Variants in PCDHA5 observed in about 807,000 individuals in gnomAD.
PCDHA5 encodes protocadherin alpha 5.
Under a neutral mutation model 61.6 loss-of-function variants are expected in PCDHA5, and 43 were observed. The ratio of observed to expected loss-of-function variants is 0.70; its 90% CI spans 0.55 to 0.90. PCDHA5 has a LOEUF of 0.90. PCDHA5 is among the 40% of genes least tolerant of loss of function. The pLI is 0.00. For missense variants in PCDHA5, 1,298 were observed against 1,222.7 expected, an observed-to-expected ratio of 1.06 and a Z score of -0.92; for synonymous variants, 627 against 543.9, an observed-to-expected ratio of 1.15 and a Z score of -2.13.
intron 1 of PCDHA5, among the ~76,000 whole-genome samples, chr5:140,839,820 G>A (rs899482827): frequency 6.6e-6 from 1 of 151,928 alleles, no homozygotes; most frequent in Non-Finnish European, 1.5e-5. Context: ...CTACTATGAA[G>A]GCATTCATGA....
At chr5:141,001,261 CTT>C (rs1437571267) in intron 3 of PCDHA5, among the ~76,000 whole-genome samples, 1 of 152,062 alleles carries the variant, frequency 6.6e-6, no homozygotes, top group East Asian at 1.9e-4. Flanking sequence ...GGCGGGCACT[CTT>C]ATGAACTTTT....
intron 1 of PCDHA5, chr5:140,966,932 G>A: frequency 6.2e-7 from 1 of 1,603,726 alleles, no homozygotes; most frequent in Non-Finnish European, 8.5e-7. Flanking sequence ...GGCACCCGGC[G>A]CGCTCGTGGG....
In PCDHA5 at chr5:140,837,841, C is replaced by T. The variant is rs148049265; in HGVS notation, c.2352+13714C>T. On this transcript the variant is annotated intron_variant, in intron 1 of 3. Coordinates refer to ENST00000529859, the MANE Select transcript of PCDHA5 (RefSeq NM_018908.3). ...ACAGTTTGCATGTCATTGTGCCTGGCTAATTTTATTTTATTTTTGTAGAGA... is the reference window on the plus strand; with the variant it reads ...ACAGTTTGCATGTCATTGTGCCTGGTTAATTTTATTTTATTTTTGTAGAGA... Among the ~76,000 whole-genome samples, 417 of 151,502 alleles carry T rather than the reference C, an allele frequency of 2.8e-3. 6 individuals carry two copies. The highest frequency in any genetic ancestry group is 9.7e-3 in the African/African-American group (400 of 41,204).
chr5:140,857,164 C>T, intron 1 of PCDHA5: 1 of 1,598,342 alleles, frequency 6.3e-7, no homozygotes, highest in Non-Finnish European at 8.6e-7. Context: ...CCCTAATCAG[C>T]GTTTCTGACC....
intron 2 of PCDHA5, among the ~76,000 whole-genome samples, chr5:140,980,159 A>G (rs2153821002): frequency 6.6e-6 from 1 of 152,326 alleles, no homozygotes; most frequent in Admixed American, 6.5e-5. Context: ...ATACCAGAAT[A>G]TTAGGTATCA....
intron 1 of PCDHA5, among the ~76,000 whole-genome samples, chr5:140,839,236 T>C (rs1562375380): frequency 6.6e-6 from 1 of 152,030 alleles, no homozygotes. Flanking sequence ...CTGTTTTTAT[T>C]GCTTTGCTTT....
At chr5:140,993,521 G>C (rs1554253818) in intron 3 of PCDHA5, among the ~76,000 whole-genome samples, 4 of 151,128 alleles carry the variant, frequency 2.6e-5, no homozygotes, top group Admixed American at 2.0e-4. Flanking sequence ...GGGAGAGAGA[G>C]ACAGAGAGAG....
chr5:140,958,089 C>A (rs2095409002), intron 1 of PCDHA5, among the ~76,000 whole-genome samples: 1 of 151,872 alleles, frequency 6.6e-6, no homozygotes, highest in African/African-American at 2.4e-5. Context: ...TAAAGTTGTA[C>A]AATAGTGTGT....
chr5:140,925,282 T>C (rs1371569064), intron 1 of PCDHA5, among the ~76,000 whole-genome samples: 1 of 152,184 alleles, frequency 6.6e-6, no homozygotes, highest in Admixed American at 6.5e-5. Context: ...GATTTTGCCT[T>C]TCAAATGTTT....
chr5:140,827,695 T>C (rs1168812180), intron 1 of PCDHA5, among the ~76,000 whole-genome samples: 1 of 152,252 alleles, frequency 6.6e-6, no homozygotes, highest in Non-Finnish European at 1.5e-5. Context: ...CTGGTTGATA[T>C]TAATGTTGCA....
intron 1 of PCDHA5, among the ~76,000 whole-genome samples, chr5:140,914,693 G>C (rs1554196535): frequency 7.9e-5 from 12 of 151,662 alleles, no homozygotes; most frequent in Non-Finnish European, 1.8e-4. Flanking sequence ...TTCTCTGGTG[G>C]TATGATTTAA....
intron 1 of PCDHA5, among the ~76,000 whole-genome samples, chr5:140,969,768 T>G (rs1250957386): frequency 1.3e-5 from 2 of 152,198 alleles, no homozygotes; most frequent in Admixed American, 1.3e-4. Context: ...CTCTGAGGCC[T>G]CTAGGGGCTA....
rs782332920 is a variant in PCDHA5 at position 140,856,198 on chromosome 5, C to T, written c.2352+32071C>T. 1.9e-6 allele frequency: 3 copies of T among 1,597,984 alleles called. No homozygotes were observed. In the East Asian group the frequency reaches 6.7e-5, roughly 36 times the overall value. On this transcript the variant is annotated intron_variant, in intron 1 of 3. Transcript: ENST00000529859. ...CCTTCGTGGGCCGCATCGCGCAGGA[C>T]CTGGGGCTGGAGCTGGCGGAGCTGG...
In PCDHA5 at chr5:140,903,474, C is replaced by T. The variant is rs1257250947; in HGVS notation, c.2353-75475C>T. Among the ~76,000 whole-genome samples, 4 of 152,106 alleles carry T rather than the reference C, an allele frequency of 2.6e-5. No homozygotes were observed. In the East Asian group the frequency reaches 7.7e-4, roughly 29 times the overall value. The stretch of plus-strand genomic sequence containing the variant: ...ATCAAACTTAAAATATTATTCCTTG[C>T]ATTATAGTTCTGAGCAGGTACCATA... On this transcript the variant is annotated intron_variant, in intron 1 of 3. Transcript: ENST00000529859.
At position 140,842,920 on chromosome 5, in the gene PCDHA5, C is replaced by T. The variant is rs147542523; in HGVS notation, c.2352+18793C>T. 687 of 1,594,406 alleles carry T rather than the reference C, an allele frequency of 4.3e-4. 58 individuals are homozygous for T. Among genetic ancestry groups the T allele is most frequent in the South Asian group, 7.6e-4 (69 of 90,466 alleles). On this transcript the variant is annotated intron_variant, in intron 1 of 3. Transcript: ENST00000529859. ...ACGAGGAGCTAGAGCTGCTGCAGTT[C>T]CAGGTGAGCGCGCGCGACGCGGGCG...
intron 1 of PCDHA5, chr5:140,834,783 C>G (rs2150226514): frequency 3.1e-6 from 5 of 1,613,810 alleles, no homozygotes; most frequent in Non-Finnish European, 4.2e-6. Flanking sequence ...TCCGGTGTTC[C>G]CAGCGACACA....
At chr5:140,936,007 C>G (rs1338541274) in intron 1 of PCDHA5, among the ~76,000 whole-genome samples, 3 of 151,820 alleles carry the variant, frequency 2.0e-5, no homozygotes, top group African/African-American at 7.3e-5. Flanking sequence ...ATTCTCCCAC[C>G]TCAGCCTCCC....
intron 1 of PCDHA5, chr5:140,848,245 A>G: frequency 2.2e-6 from 1 of 452,154 alleles, no homozygotes; most frequent in Non-Finnish European, 3.9e-6. Context: ...AGTTTTGCAG[A>G]ATAACTGTGA....
chr5:140,971,091 T>G (rs1355075556), intron 1 of PCDHA5, among the ~76,000 whole-genome samples: 1 of 152,180 alleles, frequency 6.6e-6, no homozygotes, highest in Non-Finnish European at 1.5e-5. Flanking sequence ...AACAAATTCT[T>G]GTGAAGCCCT....
Sources: gnomAD v4.1 joint callset for allele counts (sites outside exome capture counted in the v4.1 genomes callset) on GRCh38, gnomAD v4.1.1 for gene constraint, MANE v1.5 for transcripts, NCBI Gene and HGNC (gene_info 2026-07-23, HGNC 2026-07-21) for gene names.